CNOT4: variants seen among roughly 807,000 people sequenced by gnomAD.
CNOT4 encodes the protein CCR4-NOT transcription complex subunit 4.
Under a neutral mutation model 73.8 loss-of-function variants are expected in CNOT4, and 8 were observed. The ratio of observed to expected loss-of-function variants is 0.11; its 90% CI spans 0.06 to 0.20. CNOT4 has a LOEUF of 0.20. Among genes scored for constraint, CNOT4 ranks in the 10% least tolerant of loss-of-function variants. CNOT4 has a pLI of 1.00. For synonymous variants in CNOT4, 293 were observed against 321.1 expected, an observed-to-expected ratio of 0.91 and a Z score of 0.94; for missense variants, 564 against 883.4, an observed-to-expected ratio of 0.64 and a Z score of 4.58.
chr7:135,496,633 T>G (rs117194663), intron 1 of CNOT4, among the ~76,000 whole-genome samples: 4,735 of 121,728 alleles, frequency 0.039, 104 homozygotes, highest in Non-Finnish European at 0.062. Flanking sequence ...TTCCTATTCC[T>G]CTCTCTCTCT....
At chr7:135,469,384 T>C (rs1276631580) in intron 1 of CNOT4, among the ~76,000 whole-genome samples, 1 of 152,188 alleles carries the variant, frequency 6.6e-6, no homozygotes, top group East Asian at 1.9e-4. Context: ...AAATTCTCTT[T>C]TTGTTTAAGC....
intron 10 of CNOT4, among the ~76,000 whole-genome samples, chr7:135,367,563 C>A (rs1228853065): frequency 6.6e-6 from 1 of 152,126 alleles, no homozygotes; most frequent in Non-Finnish European, 1.5e-5. Flanking sequence ...TTGCTAAATG[C>A]CTAATAACAA....
At chr7:135,449,746 C>T (rs1341452589) in intron 1 of CNOT4, among the ~76,000 whole-genome samples, 1 of 151,224 alleles carries the variant, frequency 6.6e-6, no homozygotes, top group Non-Finnish European at 1.5e-5. Flanking sequence ...TCAAAGACAA[C>T]TGAAAAGACT....
intron 1 of CNOT4, among the ~76,000 whole-genome samples, chr7:135,468,946 G>C (rs756287759): frequency 8.5e-5 from 13 of 152,206 alleles, no homozygotes; most frequent in African/African-American, 1.4e-4. Flanking sequence ...CCAACCTTTA[G>C]AGACTGTAAT....
At chr7:135,475,629 G>A (rs568782161) in intron 1 of CNOT4, among the ~76,000 whole-genome samples, 1 of 152,286 alleles carries the variant, frequency 6.6e-6, no homozygotes, top group Admixed American at 6.5e-5. Context: ...ATAAAAATGG[G>A]TCGGGCAAGG....
In CNOT4 at chr7:135,388,392, T is replaced by G. The variant is rs1056792750; in HGVS notation, c.1627+5526A>C. On this transcript the variant is annotated intron_variant, in intron 10 of 11. Transcript: ENST00000541284. ...ATGCAATAGACATTATCTTGTTAAT[T>G]TGCAAATTTTTCAGGAGATTAGGAT... The G allele has an allele frequency of 3.0e-6, 3 of 984,364 alleles. No individual in the cohort carries two copies. In the African/African-American group the frequency reaches 5.2e-5, roughly 17 times the overall value. The allele number at this position is 984,364 out of a possible 1,614,324, so 61.0% of individuals were successfully genotyped here.
intron 8 of CNOT4, among the ~76,000 whole-genome samples, chr7:135,397,676 CCACT>C (rs1287557548): frequency 6.6e-6 from 1 of 151,706 alleles, no homozygotes; most frequent in Non-Finnish European, 1.5e-5. Flanking sequence ...GGTCAGCACT[CCACT>C]CAGTTTCATA....
At chr7:135,392,952 T>C (rs1409592976) in intron 10 of CNOT4, among the ~76,000 whole-genome samples, 1 of 152,158 alleles carries the variant, frequency 6.6e-6, no homozygotes, top group Non-Finnish European at 1.5e-5. Flanking sequence ...TGCCATGCCA[T>C]ATCTAACAAG....
chr7:135,456,875 T>C (rs1800566683), intron 1 of CNOT4, among the ~76,000 whole-genome samples: 1 of 152,118 alleles, frequency 6.6e-6, no homozygotes, highest in African/African-American at 2.4e-5. Context: ...TTGGAACGCA[T>C]CACCCATGGA....
Position 135,363,828 on chromosome 7 carries a change from G to A in CNOT4, c.1840+26C>T, listed in dbSNP as rs769092265. On this transcript the variant is annotated intron_variant, in intron 11 of 11. Coordinates refer to ENST00000541284, the MANE Select transcript of CNOT4 (RefSeq NM_001190850.2). The surrounding 1 kb of genome is among the most constrained non-coding windows in gnomAD (Gnocchi z 4.3). ...AAAAACCAAACTGTTGGCAGTCAGT[G>A]TAGCTGAAGGGAGTGAGAAAGTTAC... 4.5e-6 allele frequency: 7 copies of A among 1,554,584 alleles called. No homozygotes were observed. Among genetic ancestry groups the A allele is most frequent in the Non-Finnish European group, 6.1e-6 (7 of 1,148,160 alleles).
intron 1 of CNOT4, among the ~76,000 whole-genome samples, chr7:135,473,944 G>C (rs1183116192): frequency 6.6e-6 from 1 of 150,880 alleles, no homozygotes; most frequent in African/African-American, 2.4e-5. Flanking sequence ...ATGCTAATAA[G>C]TTATCTTAAT....
intron 10 of CNOT4, chr7:135,388,989 T>C (rs767560267): frequency 6.0e-6 from 7 of 1,161,864 alleles, no homozygotes; most frequent in Non-Finnish European, 3.7e-6. Flanking sequence ...CTGATACATA[T>C]ATAAAATACA....
At chr7:135,479,262 G>A (rs1332799723) in intron 1 of CNOT4, among the ~76,000 whole-genome samples, 1 of 133,960 alleles carries the variant, frequency 7.5e-6, no homozygotes, top group Non-Finnish European at 1.5e-5. Context: ...AGGCTGGAGT[G>A]CAGTAGTGTG....
At chr7:135,383,059 G>A (rs908269143) in intron 10 of CNOT4, among the ~76,000 whole-genome samples, 68 of 151,894 alleles carry the variant, frequency 4.5e-4, no homozygotes, top group African/African-American at 1.6e-3. Flanking sequence ...TCTCTTTGGG[G>A]GAAATTATCA....
intron 1 of CNOT4, among the ~76,000 whole-genome samples, chr7:135,472,652 T>C (rs1276552792): frequency 6.9e-6 from 1 of 145,188 alleles, no homozygotes; most frequent in Non-Finnish European, 1.5e-5. Context: ...CCAAAGGAAA[T>C]TAAAGAGACA....
intron 10 of CNOT4, among the ~76,000 whole-genome samples, chr7:135,378,933 C>T (rs7785527): frequency 0.077 from 11,369 of 147,118 alleles, 497 homozygotes; most frequent in Middle Eastern, 0.13. Flanking sequence ...TGCAGTAAGC[C>T]GTGTTTGCGC....
intron 7 of CNOT4, among the ~76,000 whole-genome samples, chr7:135,399,692 G>A: frequency 6.6e-6 from 1 of 152,032 alleles, no homozygotes; most frequent in Non-Finnish European, 1.5e-5. Context: ...TCTAACAAGG[G>A]TTAGTACCCA....
chr7:135,412,986 T>A (rs928573510), intron 6 of CNOT4, among the ~76,000 whole-genome samples: 1 of 152,024 alleles, frequency 6.6e-6, no homozygotes, highest in African/African-American at 2.4e-5. Context: ...AGTGGACACT[T>A]GCATGGGGAG....
intron 10 of CNOT4, among the ~76,000 whole-genome samples, chr7:135,372,860 C>T (rs1263562005): frequency 6.6e-6 from 1 of 152,080 alleles, no homozygotes; most frequent in Non-Finnish European, 1.5e-5. Flanking sequence ...CAGCCTGCTT[C>T]CAGATTTTTT....
Sources: allele counts gnomAD v4.1 joint callset (sites outside exome capture counted in the v4.1 genomes callset), GRCh38; gene constraint gnomAD v4.1.1; non-coding constraint Gnocchi (gnomAD v3.1); transcripts MANE v1.5; gene names NCBI Gene and HGNC (gene_info 2026-07-23, HGNC 2026-07-21).